DDR2: variants seen among roughly 807,000 people sequenced by gnomAD.
DDR2 encodes discoidin domain-containing receptor 2.
A neutral mutation model predicts 94.9 loss-of-function variants in DDR2; 27 were observed. The observed-to-expected ratio is 0.28, with a 90% CI of 0.21 to 0.39. The LOEUF is 0.39. Ranked by LOEUF, DDR2 falls within the 10% of genes least tolerant of loss-of-function variation. The pLI is 1.00. For synonymous variants in DDR2, 382 were observed against 377.2 expected, an observed-to-expected ratio of 1.01 and a Z score of -0.15; for missense variants, 783 against 1,076.0, an observed-to-expected ratio of 0.73 and a Z score of 3.81.
intron 8 of DDR2, 116 bp from the exon 9 acceptor site, chr1:162,761,095 C>T (rs771118132): frequency 2.1e-6 from 3 of 1,456,504 alleles, no homozygotes; most frequent in Non-Finnish European, 2.9e-6. Flanking sequence ...TTCCTCTTAC[C>T]TCAGTTCAGA....
At chr1:162,754,172 A>G (rs1317903388) in intron 4 of DDR2, among the ~76,000 whole-genome samples, 3 of 152,090 alleles carry the variant, frequency 2.0e-5, no homozygotes, top group South Asian at 2.1e-4. Context: ...CTGGTCTGCA[A>G]TGCCCATCCT....
intron 1 of DDR2, among the ~76,000 whole-genome samples, chr1:162,635,319 C>CT (rs397737096): frequency 6.6e-6 from 1 of 151,998 alleles, no homozygotes; most frequent in Non-Finnish European, 1.5e-5. Context: ...GGCCACCCCC[C>CT]ATACATTCAT....
intron 3 of DDR2, among the ~76,000 whole-genome samples, chr1:162,727,420 A>C (rs1298332153): frequency 6.9e-6 from 1 of 145,288 alleles, no homozygotes; most frequent in African/African-American, 2.5e-5. Context: ...ATGTAAGTAT[A>C]TTTATGTATG....
In DDR2 at chr1:162,772,263, G is replaced by T; in HGVS notation, c.1728+16G>T. On this transcript the variant is annotated intron_variant, in intron 13 of 17. Transcript: ENST00000367921. The stretch of plus-strand genomic sequence containing the variant: ...GTTTGGGGAGGTGAGTTGATTCTTT[G>T]ATTCCCTTATAGCTCGAAGAAGGTG... 1 of 1,613,332 alleles carries T rather than the reference G, an allele frequency of 6.2e-7. No homozygotes were observed. Among genetic ancestry groups the T allele is most frequent in the South Asian group, 1.1e-5 (1 of 90,918 alleles).
At chr1:162,760,778 G>A (rs1483451023) in intron 8 of DDR2, among the ~76,000 whole-genome samples, 2 of 151,742 alleles carry the variant, frequency 1.3e-5, no homozygotes, top group Non-Finnish European at 2.9e-5. Context: ...TTGCTGGACT[G>A]CAGTTTTCTC....
At chr1:162,705,111 ACTCTC>A (rs984919167) in intron 2 of DDR2, 1 of 152,068 alleles carries the variant, frequency 6.6e-6, no homozygotes, top group African/African-American at 2.4e-5. Flanking sequence ...CTTTGGCTGG[ACTCTC>A]CTGGCTCTCC....
intron 12 of DDR2, 101 bp downstream of exon 12, chr1:162,770,613 C>T: frequency 8.8e-7 from 1 of 1,136,822 alleles, no homozygotes. Context: ...TATTTTTAGT[C>T]TCTGCTAACC....
At chr1:162,729,283 T>C in intron 3 of DDR2, among the ~76,000 whole-genome samples, 1 of 33,404 alleles carries the variant, frequency 3.0e-5, no homozygotes, top group South Asian at 1.2e-3. Flanking sequence ...TATCCATTTA[T>C]ATATATATAT....
At chr1:162,648,806 G>A (rs942499258) in intron 1 of DDR2, among the ~76,000 whole-genome samples, 1 of 152,114 alleles carries the variant, frequency 6.6e-6, no homozygotes, top group Non-Finnish European at 1.5e-5. Flanking sequence ...CAGCTGATGT[G>A]GAATGTATGA....
chr1:162,730,019 G>A (rs187037727), intron 3 of DDR2, among the ~76,000 whole-genome samples: 5 of 147,950 alleles, frequency 3.4e-5, no homozygotes, highest in Non-Finnish European at 4.4e-5. Flanking sequence ...CTGGGATTAC[G>A]GCGTAAGCCA....
At chr1:162,673,829 A>G (rs1270776826) in intron 2 of DDR2, among the ~76,000 whole-genome samples, 4 of 152,040 alleles carry the variant, frequency 2.6e-5, no homozygotes, top group Non-Finnish European at 5.9e-5. Flanking sequence ...CACATTTTAC[A>G]TGTGTATCTA....
chr1:162,642,805 C>T (rs891127181), intron 1 of DDR2, among the ~76,000 whole-genome samples: 15 of 152,104 alleles, frequency 9.9e-5, no homozygotes, highest in African/African-American at 2.9e-4. Flanking sequence ...TTCTCTCTTT[C>T]CTGAAATACT....
At chr1:162,747,073 A>G (rs1662909932) in intron 3 of DDR2, among the ~76,000 whole-genome samples, 1 of 152,238 alleles carries the variant, frequency 6.6e-6, no homozygotes, top group South Asian at 2.1e-4. Context: ...ACCAGAGCAG[A>G]AAAGCTGAAA....
intron 2 of DDR2, among the ~76,000 whole-genome samples, chr1:162,657,848 A>G (rs1251446849): frequency 1.4e-5 from 2 of 147,098 alleles, no homozygotes; most frequent in South Asian, 4.4e-4. Context: ...CCCACTCCCC[A>G]GTCTGCTCCC....
intron 1 of DDR2, among the ~76,000 whole-genome samples, chr1:162,638,857 A>G (rs1221664904): frequency 6.6e-6 from 1 of 152,262 alleles, no homozygotes; most frequent in Admixed American, 6.5e-5. Flanking sequence ...AATGGACATA[A>G]TAACGCTAAA....
intron 3 of DDR2, among the ~76,000 whole-genome samples, chr1:162,727,277 T>C (rs1014390905): frequency 1.4e-5 from 2 of 138,586 alleles, no homozygotes; most frequent in African/African-American, 5.2e-5. Flanking sequence ...TAAATATAAA[T>C]ATAAATATAT....
intron 2 of DDR2, among the ~76,000 whole-genome samples, chr1:162,675,568 G>A (rs1011365780): frequency 1.3e-5 from 2 of 152,164 alleles, no homozygotes; most frequent in Non-Finnish European, 1.5e-5. Context: ...TACCCAGCTC[G>A]AAGACTTGCA....
rs1455925320 is a variant in DDR2, at chr1:162,729,294, A to ATT, written c.82+10150_82+10151insTT. On this transcript the variant is annotated intron_variant, in intron 3 of 17. Coordinates refer to ENST00000367921, the MANE Select transcript of DDR2 (RefSeq NM_006182.4). ...AGCATATCCATTTATATATATATAT[A>ATT]TATATATTTTTTTTTTTTTTTTTTT... Among the ~76,000 whole-genome samples, 148 of 29,988 alleles carry ATT rather than the reference A, an allele frequency of 4.9e-3. 2 individuals carry two copies. Among genetic ancestry groups the ATT allele is most frequent in the African/African-American group, 0.011 (113 of 10,032 alleles). The allele number at this position is 29,988 out of a possible 152,430, so 19.7% of individuals were successfully genotyped here.
intron 2 of DDR2, among the ~76,000 whole-genome samples, chr1:162,700,884 T>C (rs1402703311): frequency 6.6e-6 from 1 of 152,210 alleles, no homozygotes; most frequent in African/African-American, 2.4e-5. Flanking sequence ...AACTATGTGC[T>C]GTGTGATTAA....
Sources: gnomAD v4.1 joint callset for allele counts (sites outside exome capture counted in the v4.1 genomes callset) on GRCh38, gnomAD v4.1.1 for gene constraint, MANE v1.5 for transcripts, NCBI Gene and HGNC (gene_info 2026-07-23, HGNC 2026-07-21) for gene names.